CACNA1A: variants seen among roughly 807,000 people sequenced by gnomAD.
CACNA1A encodes calcium voltage-gated channel subunit alpha1 A, also known as voltage-dependent P/Q-type calcium channel subunit alpha-1A.
In CACNA1A, 57 loss-of-function variants were observed where a neutral mutation model predicts 262.4. The ratio of observed to expected loss-of-function variants is 0.22; its 90% CI spans 0.18 to 0.27. The LOEUF is 0.27. Ranked by LOEUF, CACNA1A falls within the 10% of genes least tolerant of loss-of-function variation. The pLI is 1.00. For missense variants in CACNA1A, 2,526 were observed against 3,562.8 expected (o/e 0.71, Z 7.41); for synonymous variants, 1,431 against 1,419.3 (o/e 1.01, Z -0.18).
At chr19:13,430,219 T>TATATATATATA (rs549050308) in intron 3 of CACNA1A, among the ~76,000 whole-genome samples, 41 of 149,672 alleles carry the variant, frequency 2.7e-4, no homozygotes, top group African/African-American at 1.0e-3. Context: ...ATATATATAT[T>TATATATATATA]TTTTGAGACA....
rs2054840628 is a variant in CACNA1A at position 13,212,293 on chromosome 19, C to A, written c.6190-77G>T. 6.4e-7 allele frequency: 1 copy of A among 1,571,366 alleles called. No individual in the cohort carries two copies. The highest frequency in any genetic ancestry group is 8.7e-7 in the Non-Finnish European group (1 of 1,144,022). On this transcript the variant is annotated intron_variant, in intron 42 of 46. Coordinates refer to ENST00000360228, the MANE Select transcript of CACNA1A (RefSeq NM_001127222.2). The surrounding 1 kb of genome is among the most constrained non-coding windows in gnomAD (Gnocchi z 5.6). Reference sequence around the variant, plus strand: ...CCCTGGTGTCTGCAGAGGGAGGGAGCTGCAGGTGTGTGTGTGTGGGGGGCC... The same window carrying A: ...CCCTGGTGTCTGCAGAGGGAGGGAGATGCAGGTGTGTGTGTGTGGGGGGCC...
At chr19:13,407,373 A>C (rs1018910184) in intron 3 of CACNA1A, among the ~76,000 whole-genome samples, 1 of 152,144 alleles carries the variant, frequency 6.6e-6, no homozygotes, top group Non-Finnish European at 1.5e-5. Flanking sequence ...CCATTCAAAA[A>C]CTGCTTTTGT....
At chr19:13,402,572 C>G (rs2059914707) in intron 3 of CACNA1A, among the ~76,000 whole-genome samples, 3 of 150,718 alleles carry the variant, frequency 2.0e-5, no homozygotes, top group South Asian at 4.2e-4. Context: ...GAAAATTAAG[C>G]AAATAAAAAT....
At position 13,286,496 on chromosome 19, in the gene CACNA1A, G is replaced by C. The variant is rs878865349; in HGVS notation, c.3553+7C>G. 1 of 1,338,814 alleles carries C rather than the reference G, an allele frequency of 7.5e-7. No homozygotes were observed. Among genetic ancestry groups the C allele is most frequent in the Admixed American group, 2.3e-5 (1 of 43,058 alleles). The allele number at this position is 1,338,814 out of a possible 1,614,324, so 82.9% of individuals were successfully genotyped here. A position where few individuals can be genotyped will look rare whatever the true frequency, so the allele number is the denominator to read the frequency against. ...CTGCCCAGTGATGTGAGAGCAGAGG[G>C]TCTCACCTTGTACGACGGTGTGGTT... is the stretch of plus-strand genomic sequence containing the variant. On this transcript the variant is annotated splice_region_variant and intron_variant, in intron 20 of 46. Coordinates refer to ENST00000360228, the MANE Select transcript of CACNA1A (RefSeq NM_001127222.2).
chr19:13,259,377 G>T, intron 27 of CACNA1A, 187 bp downstream of exon 27: 2 of 155,348 alleles, frequency 1.3e-5, no homozygotes, highest in Non-Finnish European at 2.5e-5. Flanking sequence ...TTGCCATGAT[G>T]GCCAGGCTGA....
chr19:13,301,016 T>C (rs999744995), intron 17 of CACNA1A, among the ~76,000 whole-genome samples: 2 of 152,118 alleles, frequency 1.3e-5, no homozygotes, highest in African/African-American at 2.4e-5. Context: ...GGCACAATCA[T>C]AGCTCACTGT....
chr19:13,327,106 C>G (rs921060569), intron 10 of CACNA1A, among the ~76,000 whole-genome samples: 30 of 152,128 alleles, frequency 2.0e-4, no homozygotes, highest in African/African-American at 7.0e-4. Flanking sequence ...GTCTGAAACT[C>G]CTGACCTCAA....
At chr19:13,242,794 G>C (rs1045884378) in intron 31 of CACNA1A, among the ~76,000 whole-genome samples, 3 of 152,170 alleles carry the variant, frequency 2.0e-5, no homozygotes, top group African/African-American at 7.2e-5. Flanking sequence ...TGTGAGTCTT[G>C]CAAGTGTCTG....
At chr19:13,243,895 C>T (rs537238561) in intron 31 of CACNA1A, 1 of 152,488 alleles carries the variant, frequency 6.6e-6, no homozygotes, top group African/African-American at 2.4e-5. Flanking sequence ...GAGGCAACAC[C>T]CTCTTCCTCA....
intron 6 of CACNA1A, among the ~76,000 whole-genome samples, chr19:13,355,764 C>T (rs551464503): frequency 1.4e-4 from 21 of 152,186 alleles, no homozygotes; most frequent in Non-Finnish European, 2.1e-4. Context: ...CCAGGGTTTC[C>T]TGACAGAAAC....
At chr19:13,426,844 T>G (rs1175358219) in intron 3 of CACNA1A, among the ~76,000 whole-genome samples, 1 of 152,210 alleles carries the variant, frequency 6.6e-6, no homozygotes, top group Non-Finnish European at 1.5e-5. Context: ...TCTGCCATTC[T>G]GTTTAAACCC....
At chr19:13,306,596 C>T (rs2057909177) in intron 15 of CACNA1A, 1 of 152,242 alleles carries the variant, frequency 6.6e-6, no homozygotes, top group African/African-American at 2.4e-5. Flanking sequence ...CCCGGTCCAG[C>T]ACTAGCCAGT....
chr19:13,317,139 G>C lies in CACNA1A; in HGVS notation c.1528C>G (p.Gln510Glu). ...TLCVAIVHYN[Q>E]PEWLSDFLYY... ...AGGAAGTCGGAGAGCCACTCGGGCT[G>C]GTTGTAGTGAACAATAGCAACACAC... Residue 510 changes from glutamine to glutamate, a missense_variant, in exon 11 of 47, where the codon CAG becomes GAG. This residue lies in a region of CACNA1A where 102 missense variants were observed against 278.9 expected (regional missense o/e 0.37). Coordinates refer to ENST00000360228, the MANE Select transcript of CACNA1A (RefSeq NM_001127222.2). 1.9e-6 allele frequency: 3 copies of C among 1,609,666 alleles called. No individual in the cohort carries two copies. The highest frequency in any genetic ancestry group is 2.6e-6 in the Non-Finnish European group (3 of 1,176,358).
chr19:13,379,879 G>A (rs1383492613), intron 3 of CACNA1A, among the ~76,000 whole-genome samples: 12 of 105,166 alleles, frequency 1.1e-4, no homozygotes, highest in East Asian at 5.8e-4. Flanking sequence ...AGCAGAGATC[G>A]CGCCACTGCA....
intron 23 of CACNA1A, 30 bp downstream of exon 23, chr19:13,277,039 C>G (rs750491394): frequency 2.6e-6 from 4 of 1,538,390 alleles, no homozygotes; most frequent in Non-Finnish European, 3.6e-6. Flanking sequence ...AAAAAATTAC[C>G]GTGTGTTCTC....
intron 22 of CACNA1A, among the ~76,000 whole-genome samples, chr19:13,278,738 T>C (rs528577036): frequency 6.6e-6 from 1 of 152,348 alleles, no homozygotes; most frequent in African/African-American, 2.4e-5. Flanking sequence ...GTTTGTTGAA[T>C]GAATGCATCA....
chr19:13,218,372 T>C (rs1477570983), intron 38 of CACNA1A, among the ~76,000 whole-genome samples: 1 of 152,142 alleles, frequency 6.6e-6, no homozygotes, highest in African/African-American at 2.4e-5. Flanking sequence ...GCCCTGCCTA[T>C]ATGACAAACC....
intron 6 of CACNA1A, among the ~76,000 whole-genome samples, chr19:13,339,072 G>T (rs1251197308): frequency 6.6e-6 from 1 of 152,054 alleles, no homozygotes; most frequent in Admixed American, 6.6e-5. Flanking sequence ...CACCATGTTG[G>T]TCAGGCTGGT....
intron 1 of CACNA1A, among the ~76,000 whole-genome samples, chr19:13,462,989 G>A (rs1262684075): frequency 6.6e-6 from 1 of 151,898 alleles, no homozygotes; most frequent in Non-Finnish European, 1.5e-5. Flanking sequence ...TTGAACTCCT[G>A]GGCTCAAGCG....
Sources: allele counts gnomAD v4.1 joint callset (sites outside exome capture counted in the v4.1 genomes callset), GRCh38; gene constraint gnomAD v4.1.1; regional missense constraint gnomAD v4.1.1; non-coding constraint Gnocchi (gnomAD v3.1); transcripts MANE v1.5; gene names NCBI Gene and HGNC (gene_info 2026-07-23, HGNC 2026-07-21).